Variants in RNF216 observed in about 807,000 individuals in gnomAD.
RNF216 encodes the protein E3 ubiquitin-protein ligase RNF216.
Under a neutral mutation model 110.8 loss-of-function variants are expected in RNF216, and 72 were observed. The ratio of observed to expected loss-of-function variants is 0.65; its 90% CI spans 0.54 to 0.79. The LOEUF (loss-of-function observed/expected upper bound fraction) is 0.79. Among genes scored for constraint, RNF216 ranks in the 30% least tolerant of loss-of-function variants. The probability of loss-of-function intolerance (pLI) is 0.00; values close to 1 mark genes in which losing one functional copy is unlikely to be tolerated. For synonymous variants in RNF216, 495 were observed against 407.5 expected, an observed-to-expected ratio of 1.21 and a Z score of -2.59; for missense variants, 1,342 against 1,141.2, an observed-to-expected ratio of 1.18 and a Z score of -2.54.
chr7:5,747,986 G>C (rs989509793), intron 3 of RNF216, among the ~76,000 whole-genome samples: 2 of 151,942 alleles, frequency 1.3e-5, no homozygotes, highest in African/African-American at 4.8e-5. Flanking sequence ...TATGAGGTCA[G>C]GGTTCAGGGT....
At chr7:5,739,155 T>C in intron 5 of RNF216, 121 bp downstream of exon 5, 1 of 1,186,556 alleles carries the variant, frequency 8.4e-7, no homozygotes, top group Non-Finnish European at 1.1e-6. Context: ...TGCATAATAA[T>C]GTGAATTTAC....
At chr7:5,780,399 C>T (rs1797014867) in intron 1 of RNF216, 2 of 152,082 alleles carry the variant, frequency 1.3e-5, no homozygotes, top group South Asian at 4.1e-4. Context: ...TACTGAAGGG[C>T]CCGAGGGTCC....
At chr7:5,722,134 AG>A (rs1793465483) in intron 8 of RNF216, among the ~76,000 whole-genome samples, 1 of 152,140 alleles carries the variant, frequency 6.6e-6, no homozygotes, top group Admixed American at 6.5e-5. Context: ...CATGTTGTCC[AG>A]GCTGGTCTTG....
At chr7:5,767,024 C>T (rs1796243858) in intron 1 of RNF216, 4 of 152,202 alleles carry the variant, frequency 2.6e-5, no homozygotes, top group Admixed American at 1.3e-4. Context: ...ATGCATAACA[C>T]AGCTAATCCT....
At chr7:5,739,019 T>C (rs201307797) in intron 5 of RNF216, among the ~76,000 whole-genome samples, 2 of 152,110 alleles carry the variant, frequency 1.3e-5, no homozygotes, top group East Asian at 3.9e-4. Flanking sequence ...GCCAAATCCA[T>C]ATAGAAAGAA....
At chr7:5,631,872 C>T (rs554028053) in intron 15 of RNF216, among the ~76,000 whole-genome samples, 5 of 152,322 alleles carry the variant, frequency 3.3e-5, no homozygotes, top group African/African-American at 1.2e-4. Flanking sequence ...TGTAGAAGGT[C>T]ACGCTCTGCC....
chr7:5,772,571 C>T (rs568898709), intron 1 of RNF216, among the ~76,000 whole-genome samples: 1 of 152,192 alleles, frequency 6.6e-6, no homozygotes, highest in East Asian at 1.9e-4. Context: ...CTGGGAGAAA[C>T]CACTGTGCCT....
At chr7:5,676,588 G>A (rs1239026240) in intron 13 of RNF216, among the ~76,000 whole-genome samples, 3 of 152,084 alleles carry the variant, frequency 2.0e-5, no homozygotes, top group African/African-American at 7.2e-5. Context: ...AGCTCTCATG[G>A]GGCTCCTGGC....
chr7:5,695,584 T>C (rs1562400185), intron 13 of RNF216, among the ~76,000 whole-genome samples: 1 of 152,224 alleles, frequency 6.6e-6, no homozygotes, highest in African/African-American at 2.4e-5. Context: ...ACAAGTTCTA[T>C]TGCCCTTTTA....
At chr7:5,740,858 C>A in intron 4 of RNF216, 115 bp downstream of exon 4, 1 of 937,840 alleles carries the variant, frequency 1.1e-6, no homozygotes, top group African/African-American at 1.7e-5. Context: ...ATATATACTT[C>A]TTAGGAAAAT....
intron 13 of RNF216, among the ~76,000 whole-genome samples, chr7:5,679,408 C>A (rs1208725199): frequency 1.3e-5 from 2 of 152,236 alleles, no homozygotes; most frequent in African/African-American, 4.8e-5. Context: ...TCACAAGGGG[C>A]TGGGTTGTGA....
At chr7:5,735,750 C>T (rs1476119648) in intron 5 of RNF216, among the ~76,000 whole-genome samples, 2 of 152,160 alleles carry the variant, frequency 1.3e-5, no homozygotes, top group East Asian at 3.9e-4. Flanking sequence ...TGGTAGTGTA[C>T]ACTCTTAACG....
chr7:5,664,794 C>CT (rs1562804048), intron 13 of RNF216, among the ~76,000 whole-genome samples: 1 of 152,002 alleles, frequency 6.6e-6, no homozygotes, highest in African/African-American at 2.4e-5. Flanking sequence ...ACACAAAATT[C>CT]TTTTTTTTCT....
rs1350374807 is a variant in RNF216 at position 5,680,692 on chromosome 7, G to A, written c.2062-28182C>T. Reference sequence around the variant, plus strand: ...GCTGGGATTACAGGTGTGAGCCACCGCGCCCAGCACTCAACACTTCTACTT... The same window carrying A: ...GCTGGGATTACAGGTGTGAGCCACCACGCCCAGCACTCAACACTTCTACTT... On this transcript the variant is annotated intron_variant, in intron 13 of 16. Transcript: ENST00000389902. The surrounding 1 kb of genome is among the most constrained non-coding windows in gnomAD (Gnocchi z 4.3). Among the ~76,000 whole-genome samples, 4 of 151,972 alleles carry A rather than the reference G, an allele frequency of 2.6e-5. No homozygotes were observed. Among genetic ancestry groups the A allele is most frequent in the Admixed American group, 1.3e-4 (2 of 15,258 alleles).
intron 5 of RNF216, among the ~76,000 whole-genome samples, chr7:5,731,487 A>G (rs1306663888): frequency 6.6e-6 from 1 of 151,462 alleles, no homozygotes; most frequent in Admixed American, 6.5e-5. Flanking sequence ...AAGGCTATAT[A>G]GAGTGAGATA....
chr7:5,749,110 G>C (rs752589295), intron 3 of RNF216, among the ~76,000 whole-genome samples: 2 of 150,732 alleles, frequency 1.3e-5, no homozygotes, highest in Non-Finnish European at 2.9e-5. Flanking sequence ...AAGACCATTT[G>C]GAAAACAGCT....
chr7:5,764,878 G>A (rs1399199448), intron 1 of RNF216, among the ~76,000 whole-genome samples: 1 of 151,958 alleles, frequency 6.6e-6, no homozygotes, highest in Admixed American at 6.6e-5. Flanking sequence ...ACCAGCCTGA[G>A]CAAACTTGGT....
At chr7:5,679,936 G>GA (rs1790543909) in intron 13 of RNF216, among the ~76,000 whole-genome samples, 1 of 152,130 alleles carries the variant, frequency 6.6e-6, no homozygotes, top group Admixed American at 6.5e-5. Context: ...ACACAATAGG[G>GA]ACCCTGTATG....
intron 3 of RNF216, among the ~76,000 whole-genome samples, chr7:5,748,820 C>G (rs1056964617): frequency 7.2e-5 from 11 of 152,152 alleles, no homozygotes; most frequent in African/African-American, 2.7e-4. Context: ...AGATTTTAAA[C>G]TGCACAGGGG....
Sources: gnomAD v4.1 joint callset for allele counts (sites outside exome capture counted in the v4.1 genomes callset) on GRCh38, gnomAD v4.1.1 for gene constraint, Gnocchi (gnomAD v3.1) non-coding constraint, MANE v1.5 for transcripts, NCBI Gene and HGNC (gene_info 2026-07-23, HGNC 2026-07-21) for gene names.